EPB41L2: variants seen among roughly 807,000 people sequenced by gnomAD.
EPB41L2 encodes band 4.1-like protein 2.
A neutral mutation model predicts 113.0 loss-of-function variants in EPB41L2; 43 were observed. The observed-to-expected ratio is 0.38, with a 90% CI of 0.30 to 0.49. EPB41L2 has a LOEUF of 0.49. EPB41L2 is among the 20% of genes least tolerant of loss of function. EPB41L2 has a pLI of 0.95. For missense variants in EPB41L2, 1,147 were observed against 1,223.4 expected (o/e 0.94, Z 0.93); for synonymous variants, 442 against 436.7 (o/e 1.01, Z -0.15).
intron 1 of EPB41L2, chr6:130,978,831 G>A (rs1379549814): frequency 6.6e-6 from 1 of 152,186 alleles, no homozygotes; most frequent in Admixed American, 6.5e-5. Flanking sequence ...TAACAGACTT[G>A]ATGAAGGAAG....
At chr6:130,903,991 A>G (rs12193574) in intron 6 of EPB41L2, among the ~76,000 whole-genome samples, 67,022 of 152,032 alleles carry the variant, frequency 0.44, 16,244 homozygotes, top group Non-Finnish European at 0.52. Flanking sequence ...TTGACTCTAC[A>G]TAAGAAATCC....
At chr6:131,007,648 T>G (rs1374692834) in intron 1 of EPB41L2, among the ~76,000 whole-genome samples, 1 of 152,134 alleles carries the variant, frequency 6.6e-6, no homozygotes, top group Non-Finnish European at 1.5e-5. Context: ...TATGGGACAA[T>G]GAAGTCCAAG....
intron 14 of EPB41L2, among the ~76,000 whole-genome samples, chr6:130,871,148 T>C (rs1248450422): frequency 1.3e-5 from 2 of 152,230 alleles, no homozygotes; most frequent in East Asian, 3.8e-4. Context: ...GTTCAATAAA[T>C]ATCTGTTGAC....
chr6:130,842,157 T>C (rs915261515), intron 19 of EPB41L2, among the ~76,000 whole-genome samples: 5 of 152,202 alleles, frequency 3.3e-5, no homozygotes, highest in Admixed American at 6.5e-5. Flanking sequence ...TCCTACCATT[T>C]AGATTTATCA....
chr6:130,843,300 C>T (rs980716544), intron 19 of EPB41L2, among the ~76,000 whole-genome samples: 18 of 152,266 alleles, frequency 1.2e-4, no homozygotes, highest in African/African-American at 4.3e-4. Flanking sequence ...GAGAAATAAA[C>T]TTAATATCTG....
At chr6:130,899,210 A>C (rs1398917396) in intron 8 of EPB41L2, among the ~76,000 whole-genome samples, 2 of 149,652 alleles carry the variant, frequency 1.3e-5, no homozygotes, top group African/African-American at 5.1e-5. Context: ...AACCAGGATA[A>C]GCGGTGAAAA....
chr6:130,884,661 A>T (rs533231624), intron 12 of EPB41L2, among the ~76,000 whole-genome samples: 3 of 152,368 alleles, frequency 2.0e-5, no homozygotes, highest in African/African-American at 7.2e-5. Flanking sequence ...TTTTCTTGAG[A>T]ATTTCATTAA....
chr6:130,994,534 A>AT (rs1782620354), intron 1 of EPB41L2, among the ~76,000 whole-genome samples: 1 of 152,184 alleles, frequency 6.6e-6, no homozygotes, highest in Admixed American at 6.5e-5. Context: ...GGGCCTCCAG[A>AT]TGCAACAGGT....
At chr6:131,062,982 G>A (rs996068648) in intron 1 of EPB41L2, among the ~76,000 whole-genome samples, 173 bp downstream of exon 1, 4 of 152,036 alleles carry the variant, frequency 2.6e-5, no homozygotes, top group African/African-American at 4.8e-5. Flanking sequence ...TCCCAAAGCC[G>A]GGCCCCCTCT....
At chr6:131,058,488 T>C (rs1300174963) in intron 1 of EPB41L2, among the ~76,000 whole-genome samples, 1 of 152,146 alleles carries the variant, frequency 6.6e-6, no homozygotes, top group Non-Finnish European at 1.5e-5. Flanking sequence ...ATTACCGACA[T>C]GATATTTCTA....
intron 18 of EPB41L2, among the ~76,000 whole-genome samples, chr6:130,860,878 C>CT (rs1191526411): frequency 6.6e-6 from 1 of 152,054 alleles, no homozygotes; most frequent in African/African-American, 2.4e-5. Flanking sequence ...GAAATACACT[C>CT]TGAAGAGACA....
rs529879615 is a variant in EPB41L2, at chr6:130,994,477, C to T, written c.-14-37978G>A. 2.1e-4 allele frequency among the ~76,000 whole-genome samples: 32 copies of T among 152,230 alleles called. No homozygotes were observed. The South Asian group carries it at 6.2e-3, about 30-fold the overall frequency. On this transcript the variant is annotated intron_variant, in intron 1 of 19. Coordinates refer to ENST00000337057, the MANE Select transcript of EPB41L2 (RefSeq NM_001431.4). ...CACATAGGCTAGATAGAAATGGAAC[C>T]AGAGGAATGAACAGCCCCTGCAGAC...
intron 12 of EPB41L2, 21 bp from the exon 13 acceptor site, chr6:130,880,227 C>T: frequency 6.3e-7 from 1 of 1,576,006 alleles, no homozygotes; most frequent in Non-Finnish European, 8.7e-7. Context: ...AAATCACACA[C>T]AGGGGGGAAA....
At position 130,953,266 on chromosome 6, in the gene EPB41L2, C is replaced by T. The variant is rs550419597; in HGVS notation, c.705+1839G>A. ...TCTTACTCCTATCCCTAAGACCTCT[C>T]CTCTCTCCCTGGGATAGAAAGGGAG... On this transcript the variant is annotated intron_variant, in intron 3 of 19. Coordinates refer to ENST00000337057, the MANE Select transcript of EPB41L2 (RefSeq NM_001431.4). Among the ~76,000 whole-genome samples the T allele has an allele frequency of 2.0e-5, 3 of 152,164 alleles. No homozygotes were observed. In the South Asian group the frequency reaches 6.3e-4, roughly 32 times the overall value.
intron 11 of EPB41L2, among the ~76,000 whole-genome samples, chr6:130,887,766 C>T (rs990866513): frequency 6.6e-6 from 1 of 152,220 alleles, no homozygotes; most frequent in African/African-American, 2.4e-5. Flanking sequence ...CCTTCCTTCC[C>T]TGATGATCCT....
chr6:131,042,928 T>G (rs899175718), intron 1 of EPB41L2, among the ~76,000 whole-genome samples: 2 of 152,192 alleles, frequency 1.3e-5, no homozygotes, highest in African/African-American at 4.8e-5. Context: ...GATTATTATC[T>G]TCCCAAATTT....
chr6:130,957,939 G>A (rs1293349363), intron 1 of EPB41L2, among the ~76,000 whole-genome samples: 1 of 152,178 alleles, frequency 6.6e-6, no homozygotes, highest in Non-Finnish European at 1.5e-5. Context: ...CTTTAAAAGG[G>A]TGAATTTTGT....
At chr6:130,967,734 A>G (rs1324957043) in intron 1 of EPB41L2, among the ~76,000 whole-genome samples, 1 of 152,216 alleles carries the variant, frequency 6.6e-6, no homozygotes, top group Non-Finnish European at 1.5e-5. Flanking sequence ...TTCCCTGCCC[A>G]TCTGCTACTA....
At chr6:130,980,030 A>C (rs965638258) in intron 1 of EPB41L2, among the ~76,000 whole-genome samples, 1 of 152,216 alleles carries the variant, frequency 6.6e-6, no homozygotes, top group African/African-American at 2.4e-5. Context: ...GGAAAACAAG[A>C]AACTACTGAC....
Sources: gnomAD v4.1 joint callset for allele counts (sites outside exome capture counted in the v4.1 genomes callset) on GRCh38, gnomAD v4.1.1 for gene constraint, MANE v1.5 for transcripts, NCBI Gene and HGNC (gene_info 2026-07-23, HGNC 2026-07-21) for gene names.